Variants in APBB2 observed in about 807,000 individuals in gnomAD.
The protein encoded by APBB2 is Fe65-like 1.
APBB2 carries 38 observed loss-of-function variants against 82.5 expected under a neutral mutation model. That is an observed-to-expected ratio of 0.46 (90% CI 0.36 to 0.60). The LOEUF is 0.60. Among genes scored for constraint, APBB2 ranks in the 20% least tolerant of loss-of-function variants. The pLI is 0.00. For synonymous variants in APBB2, 341 were observed against 368.2 expected, an observed-to-expected ratio of 0.93 and a Z score of 0.85; for missense variants, 772 against 972.3, an observed-to-expected ratio of 0.79 and a Z score of 2.74.
At chr4:40,838,136 C>CATTATTATTATT (rs68050698) in intron 12 of APBB2, among the ~76,000 whole-genome samples, 1 of 142,196 alleles carries the variant, frequency 7.0e-6, no homozygotes, top group Admixed American at 7.1e-5. Flanking sequence ...TTCAAGTGGG[C>CATTATTATTATT]ATTATTATTA....
intron 6 of APBB2, among the ~76,000 whole-genome samples, chr4:40,973,398 C>T (rs1414323630): frequency 1.3e-5 from 2 of 152,156 alleles, no homozygotes; most frequent in Non-Finnish European, 1.5e-5. Context: ...CAGGCCTGGA[C>T]GTGCTAATGA....
At chr4:41,155,707 GC>G (rs1322430263) in intron 1 of APBB2, among the ~76,000 whole-genome samples, 4 of 152,268 alleles carry the variant, frequency 2.6e-5, no homozygotes, top group Admixed American at 2.0e-4. Flanking sequence ...CTAAACTCTT[GC>G]CTAATAAATT....
At chr4:41,028,634 T>C (rs889640596) in intron 5 of APBB2, among the ~76,000 whole-genome samples, 1 of 152,226 alleles carries the variant, frequency 6.6e-6, no homozygotes, top group African/African-American at 2.4e-5. Flanking sequence ...CTCAGGTCGA[T>C]AGATTTATGT....
chr4:41,191,971 C>A (rs921896606), intron 1 of APBB2, among the ~76,000 whole-genome samples: 1 of 152,022 alleles, frequency 6.6e-6, no homozygotes, highest in Admixed American at 6.6e-5. Context: ...GAATAAGTCA[C>A]CTGGATAGAC....
At chr4:40,979,669 A>T (rs1798010843) in intron 6 of APBB2, among the ~76,000 whole-genome samples, 1 of 152,226 alleles carries the variant, frequency 6.6e-6, no homozygotes, top group Non-Finnish European at 1.5e-5. Context: ...AGCAAGGACC[A>T]AAGGGCAGCC....
chr4:40,897,479 C>G (rs867657136), intron 10 of APBB2, among the ~76,000 whole-genome samples: 7 of 151,822 alleles, frequency 4.6e-5, no homozygotes, highest in Admixed American at 1.3e-4. Flanking sequence ...GATCGCGCCA[C>G]TGCACTCTAG....
chr4:40,957,653 G>A (rs998833804), intron 6 of APBB2, among the ~76,000 whole-genome samples: 2 of 150,792 alleles, frequency 1.3e-5, no homozygotes, highest in African/African-American at 4.9e-5. Context: ...GTGCGATCTC[G>A]GCTCACTGCA....
chr4:41,076,454 G>A (rs111563186), intron 3 of APBB2, among the ~76,000 whole-genome samples: 6 of 152,274 alleles, frequency 3.9e-5, no homozygotes, highest in African/African-American at 1.4e-4. Context: ...GGGACTGACT[G>A]AAAAAGAGAA....
chr4:40,879,126 C>T (rs1293662649), intron 12 of APBB2, among the ~76,000 whole-genome samples: 1 of 149,598 alleles, frequency 6.7e-6, no homozygotes, highest in Admixed American at 6.7e-5. Context: ...AGTGTGGGTG[C>T]TGCTCCGAGG....
intron 10 of APBB2, among the ~76,000 whole-genome samples, chr4:40,901,672 G>T (rs908623410): frequency 6.6e-5 from 10 of 152,072 alleles, no homozygotes; most frequent in African/African-American, 2.4e-4. Context: ...ACCATGCCCA[G>T]CTAATTTTTG....
At chr4:41,196,146 A>C in intron 1 of APBB2, among the ~76,000 whole-genome samples, 1 of 148,240 alleles carries the variant, frequency 6.7e-6, no homozygotes, top group Admixed American at 6.7e-5. Context: ...TCGACAGAGC[A>C]AGACTCCGTC....
In APBB2 at chr4:40,832,591, C is replaced by T. The variant is rs1752402674; in HGVS notation, c.1530-2014G>A. Among the ~76,000 whole-genome samples, 1 of 152,234 alleles carries T rather than the reference C, an allele frequency of 6.6e-6. No individual in the cohort carries two copies. Among genetic ancestry groups the T allele is most frequent in the Non-Finnish European group, 1.5e-5 (1 of 68,040 alleles). On this transcript the variant is annotated intron_variant, in intron 12 of 17. Transcript: ENST00000508593. The surrounding 1 kb of genome is among the most constrained non-coding windows in gnomAD (Gnocchi z 4.8). The stretch of plus-strand genomic sequence containing the variant: ...ATTTCTGGCATCCATCCCTCCATTT[C>T]CAGCCCCCTCACCACGCAGCCATTC...
At chr4:40,851,738 ATTTTTTTTT>A (rs869027470) in intron 12 of APBB2, among the ~76,000 whole-genome samples, 924 of 67,734 alleles carry the variant, frequency 0.014, 4 homozygotes, top group Middle Eastern at 0.054. Context: ...ATATATATAT[ATTTTTTTTT>A]TTTTTTTTTT....
Position 40,923,880 on chromosome 4 carries a change from T to G in APBB2, c.1254+10576A>C, listed in dbSNP as rs577715964. Among the ~76,000 whole-genome samples the G allele has an allele frequency of 2.4e-3, 361 of 152,302 alleles. 2 individuals are homozygous for G. The highest frequency in any genetic ancestry group is 8.3e-3 in the African/African-American group (343 of 41,538). On this transcript the variant is annotated intron_variant, in intron 10 of 17. Coordinates refer to ENST00000508593, the MANE Select transcript of APBB2 (RefSeq NM_004307.2). ...GAAGTTAATAAGGGAAATAACACCGTGCTTCTGCCAGGAACACGGCATTAT... is the reference window on the plus strand; with the variant it reads ...GAAGTTAATAAGGGAAATAACACCGGGCTTCTGCCAGGAACACGGCATTAT...
chr4:40,918,408 G>A (rs776555345), intron 10 of APBB2, among the ~76,000 whole-genome samples: 1 of 152,240 alleles, frequency 6.6e-6, no homozygotes, highest in Non-Finnish European at 1.5e-5. Flanking sequence ...TTTGTCCCCA[G>A]TATTAACTTT....
chr4:40,973,890 C>T (rs1796535019), intron 6 of APBB2, among the ~76,000 whole-genome samples: 1 of 150,366 alleles, frequency 6.7e-6, no homozygotes, highest in African/African-American at 2.5e-5. Flanking sequence ...CTCACTCTGT[C>T]GCCCAGGTTG....
chr4:41,086,377 G>A (rs1739669351), intron 3 of APBB2, among the ~76,000 whole-genome samples: 1 of 152,060 alleles, frequency 6.6e-6, no homozygotes, highest in Non-Finnish European at 1.5e-5. Flanking sequence ...AAAACTACAA[G>A]CCATTATTTC....
chr4:40,859,127 G>C lies in APBB2; in HGVS notation c.1530-28550C>G, dbSNP rs373458953. The stretch of plus-strand genomic sequence containing the variant: ...AGATGGGTCTGCCAGATGTCCACAG[G>C]GTACGTCAAGTGTGACAGCTGAGGG... On this transcript the variant is annotated intron_variant, in intron 12 of 17. Transcript: ENST00000508593. Among the ~76,000 whole-genome samples the C allele has an allele frequency of 7.8e-4, 118 of 152,248 alleles. No individual in the cohort carries two copies. In the Middle Eastern group the frequency reaches 0.014, roughly 18 times the overall value.
chr4:40,958,265 A>G (rs901160711), intron 6 of APBB2, among the ~76,000 whole-genome samples: 4 of 152,202 alleles, frequency 2.6e-5, no homozygotes, highest in East Asian at 3.8e-4. Context: ...TAGTGATATT[A>G]AAGTCTTGAG....
Sources: gnomAD v4.1 joint callset for allele counts (sites outside exome capture counted in the v4.1 genomes callset) on GRCh38, gnomAD v4.1.1 for gene constraint, Gnocchi (gnomAD v3.1) non-coding constraint, MANE v1.5 for transcripts, NCBI Gene and HGNC (gene_info 2026-07-23, HGNC 2026-07-21) for gene names.